Variants in NBEAL2 observed in about 807,000 individuals in gnomAD.
NBEAL2 encodes the protein neurobeachin-like protein 2.
A neutral mutation model predicts 299.8 loss-of-function variants in NBEAL2; 160 were observed. That is an observed-to-expected ratio of 0.53 (90% confidence interval 0.47 to 0.61). The LOEUF is 0.61. NBEAL2 is among the 20% of genes least tolerant of loss of function. The pLI is 0.00. For missense variants in NBEAL2, 3,112 were observed against 3,649.0 expected (o/e 0.85, Z 3.79); for synonymous variants, 1,493 against 1,542.3 (o/e 0.97, Z 0.75).
intron 52 of NBEAL2, 36 bp from the exon 53 acceptor site, chr3:47,008,953 A>G: frequency 6.3e-7 from 1 of 1,598,278 alleles, no homozygotes; most frequent in Non-Finnish European, 8.5e-7. Flanking sequence ...GCCCCCTTGC[A>G]GTCGCAAGTT....
rs759103730 is a variant in NBEAL2 at position 46,996,746 on chromosome 3, C to T, written c.2474-5C>T. On this transcript the variant is annotated splice_region_variant and splice_polypyrimidine_tract_variant and intron_variant, in intron 16 of 53. Coordinates refer to ENST00000450053, the MANE Select transcript of NBEAL2 (RefSeq NM_015175.3). ...AAGGTCTGAAGCCCCCTGCCCACCTCCCAGGGCCCAATGAGACGGCACCCT... is the reference window on the plus strand; with the variant it reads ...AAGGTCTGAAGCCCCCTGCCCACCTTCCAGGGCCCAATGAGACGGCACCCT... 5.6e-6 allele frequency: 9 copies of T among 1,611,616 alleles called. No homozygotes were observed. The Admixed American group carries it at 1.5e-4, about 27-fold the overall frequency.
At chr3:47,006,544 C>A in intron 45 of NBEAL2, 95 bp downstream of exon 45, 1 of 1,201,770 alleles carries the variant, frequency 8.3e-7, no homozygotes, top group South Asian at 1.3e-5. Flanking sequence ...GAATCCTAAT[C>A]AAGGTCACTG....
Position 46,989,338 on chromosome 3 carries a change from G to T in NBEAL2, c.430G>T (p.Gly144Cys). 1 of 1,590,054 alleles carries T rather than the reference G, an allele frequency of 6.3e-7. No homozygotes were observed. The highest frequency in any genetic ancestry group is 2.3e-5 in the East Asian group (1 of 43,606). ...CCTACATGCTCTGCTTCTCTGCGAG[G>T]GCCTCTTTGACCCTTACCAAACCTG... is the stretch of plus-strand genomic sequence containing the variant. ...VALHALLLCE[G>C]LFDPYQTWRR... is the part of the protein sequence containing the mutation. The change falls in exon 5 of 54, where the codon GGC (glycine) becomes TGC (cysteine). Residue 144 changes from glycine to cysteine, a missense_variant. Transcript: ENST00000450053. This position sits in a 1 kb window ranked among gnomAD's most constrained non-coding sequence, Gnocchi z 5.5.
At chr3:46,986,041 G>T (rs1397726653) in intron 1 of NBEAL2, among the ~76,000 whole-genome samples, 1 of 152,170 alleles carries the variant, frequency 6.6e-6, no homozygotes, top group Non-Finnish European at 1.5e-5. Flanking sequence ...GTCAGAGTTG[G>T]CCTGAGGTCT....
chr3:46,994,960 A>G, intron 12 of NBEAL2, 72 bp from the exon 13 acceptor site: 1 of 1,470,950 alleles, frequency 6.8e-7, no homozygotes, highest in South Asian at 1.4e-5. Context: ...AGGCAAGTAA[A>G]TGGAGCCAGA....
chr3:46,991,881 C>T lies in NBEAL2; in HGVS notation c.967C>T (p.Leu323=). ...MMLACEDRPV[L]QATFLSNNCF... Reference sequence around the variant, plus strand: ...GCTGGCATGTGAAGACCGGCCAGTGCTGCAAGCCACCTTCCTCAGCAACAA... The same window carrying T: ...GCTGGCATGTGAAGACCGGCCAGTGTTGCAAGCCACCTTCCTCAGCAACAA... Residue 323 remains leucine (L), a synonymous_variant, in exon 9 of 54, where the codon CTG becomes TTG. Coordinates refer to ENST00000450053, the MANE Select transcript of NBEAL2 (RefSeq NM_015175.3). This position sits in a 1 kb window ranked among gnomAD's most constrained non-coding sequence, Gnocchi z 6.2. 1.2e-6 allele frequency: 2 copies of T among 1,603,598 alleles called. No individual in the cohort carries two copies. Among genetic ancestry groups the T allele is most frequent in the Non-Finnish European group, 1.7e-6 (2 of 1,175,260 alleles).
chr3:46,995,094 G>T lies in NBEAL2; in HGVS notation c.1359G>T (p.Leu453=). ...CAATCCGCAACGAGCAGCCGGTACT[G>T]GTGCTGGCGCAGTGGCTGCCGTCAT... ...PPPIRNEQPV[L]VLAQWLPSLP... The change falls in exon 13 of 54, where the codon CTG becomes CTT. Residue 453 remains leucine, a synonymous_variant. Coordinates refer to ENST00000450053, the MANE Select transcript of NBEAL2 (RefSeq NM_015175.3). 1 of 1,570,482 alleles carries T rather than the reference G, an allele frequency of 6.4e-7. No individual in the cohort carries two copies. The highest frequency in any genetic ancestry group is 8.6e-7 in the Non-Finnish European group (1 of 1,157,164).
At chr3:47,008,854 T>C (rs2037661887) in intron 52 of NBEAL2, 135 bp from the exon 53 acceptor site, 6 of 1,459,242 alleles carry the variant, frequency 4.1e-6, no homozygotes, top group Middle Eastern at 1.8e-4. Flanking sequence ...TTGTGGGAGA[T>C]TTCTTTGTGT....
chr3:46,995,218 G>A lies in NBEAL2; in HGVS notation c.1483G>A (p.Val495Met), dbSNP rs924900299. Residue 495 changes from valine to methionine, a missense_variant, in exon 13 of 54, where the codon GTG (valine) becomes ATG (methionine). Val to Met is a conservative substitution (Grantham distance 21). Coordinates refer to ENST00000450053, the MANE Select transcript of NBEAL2 (RefSeq NM_015175.3). ...TGCCACCTGTGTGCAGGCAGGCCTG[G>A]TGGGCTGCCTGTTGGAGACACTCAG... ...SRATCVQAGLVGCLLETLSTG... is the reference protein window; with the variant it reads ...SRATCVQAGLMGCLLETLSTG... The A allele has an allele frequency of 1.3e-6, 2 of 1,555,676 alleles. No individual in the cohort carries two copies. Among genetic ancestry groups the A allele is most frequent in the African/African-American group, 1.4e-5 (1 of 73,346 alleles).
In NBEAL2 at chr3:47,004,853, G is replaced by T; in HGVS notation, c.6295-119G>T. ...CTTCTCCCCTGTGACCCCTCTAAGT[G>T]GTGCTCCCCCAACCTGTGGGCAGGC... On this transcript the variant is annotated intron_variant, in intron 38 of 53. Coordinates refer to ENST00000450053, the MANE Select transcript of NBEAL2 (RefSeq NM_015175.3). The surrounding 1 kb of genome is among the most constrained non-coding windows in gnomAD (Gnocchi z 5.0). 6.9e-7 allele frequency: 1 copy of T among 1,439,700 alleles called. No homozygotes were observed. The highest frequency in any genetic ancestry group is 1.3e-5 in the South Asian group (1 of 75,658). 89.2% of individuals were successfully genotyped at this position (1,439,700 alleles called of 1,614,324 possible).
Position 47,002,629 on chromosome 3 carries a change from A to G in NBEAL2, c.5302-16A>G, listed in dbSNP as rs767488635. The stretch of plus-strand genomic sequence containing the variant: ...CAGGCAGCAGCCAGGGGACTGACCT[A>G]TTACCCCCACCCCAGGAGCTGGTGC... On this transcript the variant is annotated splice_polypyrimidine_tract_variant and intron_variant, in intron 32 of 53. Coordinates refer to ENST00000450053, the MANE Select transcript of NBEAL2 (RefSeq NM_015175.3). The G allele has an allele frequency of 1.1e-5, 18 of 1,608,864 alleles. No homozygotes were observed. The highest frequency in any genetic ancestry group is 1.5e-5 in the Non-Finnish European group (18 of 1,178,478).
rs1180593049 is a variant in NBEAL2, at chr3:46,995,055, G to A, written c.1320G>A (p.Met440Ile). Residue 440 changes from methionine to isoleucine, a missense_variant, in exon 13 of 54, where the codon ATG (methionine) becomes ATA (isoleucine). Met to Ile is a conservative substitution (Grantham distance 10). This residue lies in a region of NBEAL2 where 2,243 missense variants were observed against 2,538.1 expected (regional missense o/e 0.88). Transcript: ENST00000450053. ...LNMAVEGDHS[M>I]CPPPPIRNEQ... ...AGGCTGTGGAGGGTGACCACAGCATGTGCCCACCTCCACCAATCCGCAACG... is the reference window on the plus strand; with the variant it reads ...AGGCTGTGGAGGGTGACCACAGCATATGCCCACCTCCACCAATCCGCAACG... 1 of 1,552,320 alleles carries A rather than the reference G, an allele frequency of 6.4e-7. No individual in the cohort carries two copies. Among genetic ancestry groups the A allele is most frequent in the Non-Finnish European group, 8.7e-7 (1 of 1,144,066 alleles).
At chr3:47,005,876 G>C (rs1241549676) in intron 42 of NBEAL2, 29 bp downstream of exon 42, 1 of 1,612,672 alleles carries the variant, frequency 6.2e-7, no homozygotes, top group Admixed American at 1.7e-5. Context: ...GCAAACGGCA[G>C]GCAGCCGGGG....
rs867291184 is a variant in NBEAL2, at chr3:46,995,288, C to A, written c.1553C>A (p.Ala518Glu). The change falls in exon 13 of 54, where the codon GCA becomes GAA. Residue 518 changes from alanine to glutamate, a missense_variant. This residue lies in a region of NBEAL2 where 2,243 missense variants were observed against 2,538.1 expected (regional missense o/e 0.88). Coordinates refer to ENST00000450053, the MANE Select transcript of NBEAL2 (RefSeq NM_015175.3). ...LEARCQEQLL[A>E]LLQALGRVSI... ...GCCCGCTGCCAAGAGCAGCTGCTGG[C>A]ACTGCTACAAGCACTGGGCCGTGTA... The A allele has an allele frequency of 6.4e-7, 1 of 1,569,620 alleles. No homozygotes were observed.
At position 46,994,569 on chromosome 3, in the gene NBEAL2, T is replaced by G. The variant is rs2036337096; in HGVS notation, c.1296+16T>G. 3.8e-6 allele frequency: 6 copies of G among 1,561,324 alleles called. No homozygotes were observed. The highest frequency in any genetic ancestry group is 5.2e-6 in the Non-Finnish European group (6 of 1,151,108). On this transcript the variant is annotated intron_variant, in intron 12 of 53. Coordinates refer to ENST00000450053, the MANE Select transcript of NBEAL2 (RefSeq NM_015175.3). Reference sequence around the variant, plus strand: ...GCTCAACATGGTGAGGGAAGGGGCTTGGGACCAGGGTCCCAAAGGCAACCA... The same window carrying G: ...GCTCAACATGGTGAGGGAAGGGGCTGGGGACCAGGGTCCCAAAGGCAACCA...
intron 15 of NBEAL2, 56 bp downstream of exon 15, chr3:46,996,107 G>C: frequency 6.4e-7 from 1 of 1,558,866 alleles, no homozygotes; most frequent in Non-Finnish European, 8.7e-7. Context: ...TTGGAACACA[G>C]TGGGCAGGTG....
Position 46,988,142 on chromosome 3 carries a change from T to C in NBEAL2, c.52-527T>C, listed in dbSNP as rs144424144. 13 of 1,063,730 alleles carry C rather than the reference T, an allele frequency of 1.2e-5. No individual in the cohort carries two copies. In the African/African-American group the frequency reaches 1.9e-4, roughly 15 times the overall value. The allele number at this position is 1,063,730 out of a possible 1,614,324, so 65.9% of individuals were successfully genotyped here. The stretch of plus-strand genomic sequence containing the variant: ...AGGGCCGCACATGAGGATGTGCGCA[T>C]GTCTGGGTCTGCCTGTCTAATGGTA... On this transcript the variant is annotated intron_variant, in intron 1 of 53. Transcript: ENST00000450053. The surrounding 1 kb of genome is among the most constrained non-coding windows in gnomAD (Gnocchi z 4.4).
rs767342283 is a variant in NBEAL2 at position 47,009,421 on chromosome 3, G to C, written c.*101G>C. The C allele has an allele frequency of 3.8e-6, 4 of 1,040,546 alleles. No individual in the cohort carries two copies. The highest frequency in any genetic ancestry group is 1.6e-5 in the African/African-American group (1 of 62,274). 64.5% of individuals were successfully genotyped at this position (1,040,546 alleles called of 1,614,324 possible). A position where few individuals can be genotyped will look rare whatever the true frequency, so the allele number is the denominator to read the frequency against. On this transcript the variant is annotated 3_prime_UTR_variant, in exon 54 of 54. Coordinates refer to ENST00000450053, the MANE Select transcript of NBEAL2 (RefSeq NM_015175.3). ...AACACCCCGGGGTGGGCAGCCCAGG[G>C]GGGTGAGCGGGGCCCACCCTGCCCA... is the stretch of plus-strand genomic sequence containing the variant.
rs1333576357 is a variant in NBEAL2 at position 47,003,658 on chromosome 3, G to T, written c.5721-158G>T. ...AGTGGGTGGCAGGTGGGGGACAGGGGCTGGGACCAGTAGGTTCTGGACCCT... is the reference window on the plus strand; with the variant it reads ...AGTGGGTGGCAGGTGGGGGACAGGGTCTGGGACCAGTAGGTTCTGGACCCT... On this transcript the variant is annotated intron_variant, in intron 35 of 53. Coordinates refer to ENST00000450053, the MANE Select transcript of NBEAL2 (RefSeq NM_015175.3). The surrounding 1 kb of genome is among the most constrained non-coding windows in gnomAD (Gnocchi z 7.0). 6.6e-6 allele frequency among the ~76,000 whole-genome samples: 1 copy of T among 152,160 alleles called. No homozygotes were observed. The highest frequency in any genetic ancestry group is 1.5e-5 in the Non-Finnish European group (1 of 68,024).
Sources: gnomAD v4.1 joint callset for allele counts (sites outside exome capture counted in the v4.1 genomes callset) on GRCh38, gnomAD v4.1.1 for gene constraint, gnomAD v4.1.1 regional missense constraint, Gnocchi (gnomAD v3.1) non-coding constraint, MANE v1.5 for transcripts, NCBI Gene and HGNC (gene_info 2026-07-23, HGNC 2026-07-21) for gene names.